UCK2: variants seen among roughly 807,000 people sequenced by gnomAD.
UCK2 encodes uridine-cytidine kinase 2.
In UCK2, 6 loss-of-function variants were observed where a neutral mutation model predicts 30.8. That is an observed-to-expected ratio of 0.19 (90% CI 0.11 to 0.38). The LOEUF (loss-of-function observed/expected upper bound fraction) is 0.38. Ranked by LOEUF, UCK2 falls within the 10% of genes least tolerant of loss-of-function variation. The probability of loss-of-function intolerance (pLI) is 1.00; values close to 1 mark genes in which losing one functional copy is unlikely to be tolerated. For missense variants in UCK2, 210 were observed against 339.8 expected, an observed-to-expected ratio of 0.62 and a Z score of 3.00; for synonymous variants, 125 against 133.6, an observed-to-expected ratio of 0.94 and a Z score of 0.45.
intron 1 of UCK2, among the ~76,000 whole-genome samples, chr1:165,873,333 AT>A (rs1015273540): frequency 6.6e-6 from 1 of 152,226 alleles, no homozygotes; most frequent in African/African-American, 2.4e-5. Context: ...GAAGAAACTG[AT>A]GGCCACCGTC....
chr1:165,861,479 T>C (rs1654896292), intron 1 of UCK2, among the ~76,000 whole-genome samples: 1 of 150,132 alleles, frequency 6.7e-6, no homozygotes, highest in Non-Finnish European at 1.5e-5. Context: ...ATACAAAAAA[T>C]TAGCCGGGCG....
At chr1:165,837,129 C>A (rs1370535018) in intron 1 of UCK2, among the ~76,000 whole-genome samples, 2 of 152,202 alleles carry the variant, frequency 1.3e-5, no homozygotes, top group Admixed American at 1.3e-4. Context: ...TCCCATCAGG[C>A]CCCACTTCCC....
intron 1 of UCK2, among the ~76,000 whole-genome samples, chr1:165,887,769 T>TA (rs1200932612): frequency 8.1e-6 from 1 of 123,750 alleles, no homozygotes; most frequent in Non-Finnish European, 1.9e-5. Context: ...GAGCCTTTGA[T>TA]TTCCCCCCCC....
At chr1:165,906,322 G>A (rs1407919398) in intron 6 of UCK2, among the ~76,000 whole-genome samples, 1 of 152,122 alleles carries the variant, frequency 6.6e-6, no homozygotes, top group Non-Finnish European at 1.5e-5. Flanking sequence ...AGAATGACCT[G>A]CCATCACGGT....
chr1:165,861,135 G>A (rs935256474), intron 1 of UCK2, among the ~76,000 whole-genome samples: 1 of 151,920 alleles, frequency 6.6e-6, no homozygotes, highest in Non-Finnish European at 1.5e-5. Flanking sequence ...GATGGAAAGG[G>A]CAAAAGGTAT....
Position 165,851,403 on chromosome 1 carries a change from G to A in UCK2, c.99+23471G>A, listed in dbSNP as rs1157361618. On this transcript the variant is annotated intron_variant, in intron 1 of 6. Transcript: ENST00000367879. ...GTTTTTTTTTCCTGGATCTGGATGTGGTTAATAGGAGTGCCCTCAGCCCAA... is the reference window on the plus strand; with the variant it reads ...GTTTTTTTTTCCTGGATCTGGATGTAGTTAATAGGAGTGCCCTCAGCCCAA... 2.0e-5 allele frequency among the ~76,000 whole-genome samples: 3 copies of A among 152,002 alleles called. No individual in the cohort carries two copies. The East Asian group carries it at 5.8e-4, about 29-fold the overall frequency.
intron 6 of UCK2, among the ~76,000 whole-genome samples, chr1:165,906,544 G>A (rs988300142): frequency 2.4e-4 from 36 of 152,134 alleles, no homozygotes; most frequent in African/African-American, 8.7e-4. Context: ...TTTTAAAAAA[G>A]TGTTTTTGTA....
At chr1:165,849,675 C>G (rs1053304051) in intron 1 of UCK2, among the ~76,000 whole-genome samples, 1 of 152,186 alleles carries the variant, frequency 6.6e-6, no homozygotes, top group African/African-American at 2.4e-5. Flanking sequence ...CCATTTTTGG[C>G]TCTAAACTTT....
chr1:165,845,975 G>A (rs368929305), intron 1 of UCK2, among the ~76,000 whole-genome samples: 7 of 152,232 alleles, frequency 4.6e-5, no homozygotes, highest in African/African-American at 1.2e-4. Context: ...CATTCTGTGC[G>A]TTCTCACTGG....
At chr1:165,832,244 T>A (rs969919136) in intron 1 of UCK2, among the ~76,000 whole-genome samples, 2 of 152,242 alleles carry the variant, frequency 1.3e-5, no homozygotes, top group African/African-American at 4.8e-5. Flanking sequence ...TTATTTTTTC[T>A]GTCTTCTGCT....
chr1:165,828,203 A>G (rs1653944325), intron 1 of UCK2, among the ~76,000 whole-genome samples: 1 of 152,070 alleles, frequency 6.6e-6, no homozygotes, highest in African/African-American at 2.4e-5. Flanking sequence ...CCCCGCGTTA[A>G]TAACTCGTGG....
chr1:165,833,545 A>C (rs1183398126), intron 1 of UCK2, among the ~76,000 whole-genome samples: 1 of 152,006 alleles, frequency 6.6e-6, no homozygotes, highest in Non-Finnish European at 1.5e-5. Context: ...AGTGTCTTTG[A>C]AGTATGGTTT....
At chr1:165,876,075 C>G (rs1335398047) in intron 1 of UCK2, among the ~76,000 whole-genome samples, 2 of 152,210 alleles carry the variant, frequency 1.3e-5, no homozygotes, top group Non-Finnish European at 2.9e-5. Flanking sequence ...TGGTTGAAAA[C>G]CATTATAAAT....
chr1:165,854,520 A>G (rs1654679275), intron 1 of UCK2, among the ~76,000 whole-genome samples: 1 of 151,930 alleles, frequency 6.6e-6, no homozygotes, highest in Non-Finnish European at 1.5e-5. Context: ...GTAGTAGGGA[A>G]CTGGGTCCCA....
At chr1:165,865,310 G>A (rs1022344060) in intron 1 of UCK2, among the ~76,000 whole-genome samples, 1 of 152,170 alleles carries the variant, frequency 6.6e-6, no homozygotes, top group African/African-American at 2.4e-5. Context: ...CCAAACTGGT[G>A]TGCAGAATTC....
chr1:165,880,557 TTTTTTGGGGGTGTGTGTGTGTG>T (rs977119883), intron 1 of UCK2, among the ~76,000 whole-genome samples: 3 of 89,516 alleles, frequency 3.4e-5, no homozygotes, highest in African/African-American at 1.2e-4. Flanking sequence ...CCATTCAGTT[TTTTTTGGGGGTGTGTGTGTGTG>T]TGTGTGTGTG....
chr1:165,853,247 A>G (rs1654642626), intron 1 of UCK2, among the ~76,000 whole-genome samples: 1 of 152,210 alleles, frequency 6.6e-6, no homozygotes, highest in South Asian at 2.1e-4. Flanking sequence ...GGTGCTGGGA[A>G]GAGCAGATCA....
At chr1:165,848,659 CCCA>C (rs1557834807) in intron 1 of UCK2, among the ~76,000 whole-genome samples, 33 of 150,760 alleles carry the variant, frequency 2.2e-4, no homozygotes, top group South Asian at 4.2e-4. Flanking sequence ...CACACACACA[CCCA>C]CACACACACA....
intron 1 of UCK2, among the ~76,000 whole-genome samples, chr1:165,889,169 T>C (rs1655699757): frequency 6.6e-6 from 1 of 152,228 alleles, no homozygotes; most frequent in Non-Finnish European, 1.5e-5. Flanking sequence ...TCACCCTGTC[T>C]GTGGTGACAC....
Sources: gnomAD v4.1 joint callset for allele counts (sites outside exome capture counted in the v4.1 genomes callset) on GRCh38, gnomAD v4.1.1 for gene constraint, MANE v1.5 for transcripts, NCBI Gene and HGNC (gene_info 2026-07-23, HGNC 2026-07-21) for gene names.